The following PRKCE variants were observed in gnomAD, a reference collection of about 807,000 sequenced individuals.
The protein encoded by PRKCE is protein kinase C epsilon type.
Under a neutral mutation model 85.4 loss-of-function variants are expected in PRKCE, and 16 were observed. That is an observed-to-expected ratio of 0.19 (90% confidence interval 0.13 to 0.28). The LOEUF is 0.28. PRKCE is among the 10% of genes least tolerant of loss of function. The pLI, the probability that PRKCE is intolerant of heterozygous loss-of-function variation, is 1.00. For missense variants in PRKCE, 573 were observed against 975.2 expected (o/e 0.59, Z 5.49); for synonymous variants, 388 against 371.5 (o/e 1.04, Z -0.51).
intron 10 of PRKCE, among the ~76,000 whole-genome samples, chr2:46,026,697 A>G (rs1049541459): frequency 5.9e-5 from 9 of 152,182 alleles, no homozygotes; most frequent in Non-Finnish European, 1.0e-4. Flanking sequence ...GATTTATAAG[A>G]GAGTAAATGA....
chr2:46,079,454 C>A (rs539614899), intron 10 of PRKCE, among the ~76,000 whole-genome samples: 25 of 152,312 alleles, frequency 1.6e-4, no homozygotes, highest in Non-Finnish European at 3.1e-4. Flanking sequence ...CCCCAGCCAC[C>A]TACCCAAAAT....
chr2:45,754,752 G>GGT (rs1683862646), intron 1 of PRKCE, among the ~76,000 whole-genome samples: 1 of 152,224 alleles, frequency 6.6e-6, no homozygotes, highest in African/African-American at 2.4e-5. Flanking sequence ...TAAATGCCAT[G>GGT]GTGTACCCGT....
At chr2:45,867,719 TG>T (rs1200395691) in intron 2 of PRKCE, among the ~76,000 whole-genome samples, 3 of 152,254 alleles carry the variant, frequency 2.0e-5, no homozygotes, top group Non-Finnish European at 1.5e-5. Flanking sequence ...CTGAGGGTTT[TG>T]TCTTTTTGGA....
chr2:46,003,014 GA>G (rs1363771917), intron 7 of PRKCE, among the ~76,000 whole-genome samples: 1 of 152,216 alleles, frequency 6.6e-6, no homozygotes, highest in East Asian at 1.9e-4. Context: ...GGATTTGGAA[GA>G]ACCAACAGGT....
At chr2:46,018,419 G>C (rs961743689) in intron 10 of PRKCE, among the ~76,000 whole-genome samples, 1 of 152,030 alleles carries the variant, frequency 6.6e-6, no homozygotes, top group Non-Finnish European at 1.5e-5. Context: ...ACAGTGAGCC[G>C]AGATCCCGCC....
rs957147236 is a variant in PRKCE, at chr2:46,086,319, A to G, written c.1549A>G (p.Thr517Ala). 1 of 1,599,572 alleles carries G rather than the reference A, an allele frequency of 6.3e-7. No homozygotes were observed. The highest frequency in any genetic ancestry group is 8.5e-7 in the Non-Finnish European group (1 of 1,179,916). Reference sequence around the variant, plus strand: ...TTCACGGTTCTATGCTGCAGAGGTCACATCGGCCCTCATGTTCCTCCACCA... The same window carrying G: ...TTCACGGTTCTATGCTGCAGAGGTCGCATCGGCCCTCATGTTCCTCCACCA... ...PRSRFYAAEV[T>A]SALMFLHQHG... is the part of the protein sequence containing the mutation. The change falls in exon 11 of 15, where the codon ACA becomes GCA. Residue 517 changes from threonine (T) to alanine (A), a missense_variant. By Grantham distance (58) the Thr-to-Ala change is moderately conservative. Transcript: ENST00000306156.
intron 1 of PRKCE, among the ~76,000 whole-genome samples, chr2:45,827,830 A>C (rs1690073807): frequency 6.6e-6 from 1 of 152,240 alleles, no homozygotes; most frequent in Non-Finnish European, 1.5e-5. Context: ...TTAATATTGG[A>C]TTAAAGGGAA....
At position 46,062,668 on chromosome 2, in the gene PRKCE, C is replaced by CTTTTTTTT. The variant is rs71394871; in HGVS notation, c.1438-23522_1438-23515dup. ...GAGTTGAAGGGTATAAAAGCTCAGC[C>CTTTTTTTT]TTTTTTTTTTTTTTTTTTTTTTTTT... On this transcript the variant is annotated intron_variant, in intron 10 of 14. Coordinates refer to ENST00000306156, the MANE Select transcript of PRKCE (RefSeq NM_005400.3). Among the ~76,000 whole-genome samples the CTTTTTTTT allele has an allele frequency of 1.2e-3, 88 of 73,300 alleles. 4 individuals carry two copies. Among genetic ancestry groups the CTTTTTTTT allele is most frequent in the African/African-American group, 1.8e-3 (31 of 16,808 alleles). 48.1% of individuals were successfully genotyped at this position (73,300 alleles called of 152,430 possible). A position where few individuals can be genotyped will look rare whatever the true frequency, so the allele number is the denominator to read the frequency against.
At chr2:45,708,104 G>A (rs553572838) in intron 1 of PRKCE, among the ~76,000 whole-genome samples, 1 of 152,308 alleles carries the variant, frequency 6.6e-6, no homozygotes, top group Non-Finnish European at 1.5e-5. Context: ...ACCAAAGTCC[G>A]CCTCTGTCAC....
At chr2:45,670,408 C>G (rs1024659964) in intron 1 of PRKCE, among the ~76,000 whole-genome samples, 1 of 152,168 alleles carries the variant, frequency 6.6e-6, no homozygotes, top group Non-Finnish European at 1.5e-5. Context: ...TTGCGTGGAT[C>G]TCTACAACAA....
intron 13 of PRKCE, among the ~76,000 whole-genome samples, chr2:46,154,733 CTTT>C (rs368843926): frequency 2.9e-5 from 4 of 136,338 alleles, no homozygotes; most frequent in Admixed American, 7.3e-5. Flanking sequence ...CTCAGTGAGG[CTTT>C]TTTTTTTTTT....
At chr2:46,181,202 G>A (rs1247120672) in intron 14 of PRKCE, among the ~76,000 whole-genome samples, 1 of 152,164 alleles carries the variant, frequency 6.6e-6, no homozygotes, top group African/African-American at 2.4e-5. Context: ...CAAATTTGAC[G>A]ATGCTGTGCT....
intron 2 of PRKCE, among the ~76,000 whole-genome samples, chr2:45,858,152 T>A (rs1444301012): frequency 6.6e-6 from 1 of 152,218 alleles, no homozygotes; most frequent in African/African-American, 2.4e-5. Flanking sequence ...ATTACAGATG[T>A]TGCTCAGGCC....
intron 14 of PRKCE, among the ~76,000 whole-genome samples, chr2:46,160,249 G>A (rs1446583853): frequency 6.6e-6 from 1 of 152,218 alleles, no homozygotes; most frequent in East Asian, 1.9e-4. Context: ...GAGGCCCACT[G>A]CGTAAAAGTG....
chr2:45,687,773 A>T (rs928296227), intron 1 of PRKCE, among the ~76,000 whole-genome samples: 2 of 152,268 alleles, frequency 1.3e-5, no homozygotes. Context: ...CTCTAAATTT[A>T]GAACATTATT....
chr2:45,682,996 A>G (rs72884458), intron 1 of PRKCE, among the ~76,000 whole-genome samples: 5,246 of 152,294 alleles, frequency 0.034, 195 homozygotes, highest in African/African-American at 0.088. Context: ...CTCTTTACGA[A>G]AAAAGAATAT....
At chr2:45,936,503 A>T (rs1325266299) in intron 2 of PRKCE, among the ~76,000 whole-genome samples, 2 of 152,058 alleles carry the variant, frequency 1.3e-5, no homozygotes, top group African/African-American at 4.8e-5. Flanking sequence ...CTCCTCCTCC[A>T]GGTTTCTTTA....
intron 2 of PRKCE, among the ~76,000 whole-genome samples, chr2:45,883,779 G>A (rs1695051980): frequency 1.3e-5 from 2 of 152,174 alleles, no homozygotes; most frequent in African/African-American, 4.8e-5. Context: ...TATCCTTTCT[G>A]CACAGCCACT....
intron 1 of PRKCE, among the ~76,000 whole-genome samples, chr2:45,744,759 C>T (rs11885350): frequency 0.65 from 98,322 of 151,260 alleles, 32,093 homozygotes; most frequent in South Asian, 0.73. Flanking sequence ...CAGGTGTGCA[C>T]CACCATGCCT....
Sources: gnomAD v4.1 joint callset for allele counts (sites outside exome capture counted in the v4.1 genomes callset) on GRCh38, gnomAD v4.1.1 for gene constraint, MANE v1.5 for transcripts, NCBI Gene and HGNC (gene_info 2026-07-23, HGNC 2026-07-21) for gene names.